The following ST18 variants were observed in gnomAD, a reference collection of about 807,000 sequenced individuals.
ST18 encodes suppression of tumorigenicity 18 protein.
Under a neutral mutation model 110.0 loss-of-function variants are expected in ST18, and 50 were observed. That is an observed-to-expected ratio of 0.45 (90% CI 0.36 to 0.58). ST18 has a LOEUF of 0.58. ST18 is among the 20% of genes least tolerant of loss of function. ST18 has a pLI of 0.00. For synonymous variants in ST18, 461 were observed against 452.4 expected (o/e 1.02, Z -0.24); for missense variants, 1,306 against 1,280.1 (o/e 1.02, Z -0.31).
intron 2 of ST18, among the ~76,000 whole-genome samples, chr8:52,316,260 G>A (rs564669220): frequency 2.0e-5 from 3 of 152,180 alleles, no homozygotes; most frequent in South Asian, 2.1e-4. Flanking sequence ...AATATTTCTT[G>A]AGAGCAAATA....
chr8:52,243,882 GGAGA>G (rs1489161983), intron 2 of ST18, among the ~76,000 whole-genome samples: 1 of 151,896 alleles, frequency 6.6e-6, no homozygotes, highest in African/African-American at 2.4e-5. Flanking sequence ...AAAGAGAGAG[GGAGA>G]GAGAGGGAGA....
chr8:52,142,567 C>A (rs939029853), intron 17 of ST18, among the ~76,000 whole-genome samples: 2 of 152,106 alleles, frequency 1.3e-5, no homozygotes, highest in Non-Finnish European at 2.9e-5. Flanking sequence ...CTCAGAACCC[C>A]TTTGAAAATG....
At chr8:52,326,006 T>C (rs767005931) in intron 2 of ST18, among the ~76,000 whole-genome samples, 1 of 152,228 alleles carries the variant, frequency 6.6e-6, no homozygotes, top group Non-Finnish European at 1.5e-5. Flanking sequence ...CATTGTGTCA[T>C]AAAACCTTTG....
intron 25 of ST18, among the ~76,000 whole-genome samples, chr8:52,115,538 A>T (rs1210307022): frequency 6.6e-6 from 1 of 152,238 alleles, no homozygotes; most frequent in African/African-American, 2.4e-5. Flanking sequence ...TAAAGTATTC[A>T]GTACACTAAC....
intron 2 of ST18, among the ~76,000 whole-genome samples, chr8:52,357,415 C>G (rs1382751380): frequency 6.6e-6 from 1 of 151,572 alleles, no homozygotes. Flanking sequence ...TATGACCCAA[C>G]TATATACTAC....
chr8:52,341,703 C>T (rs1815094279), intron 2 of ST18, among the ~76,000 whole-genome samples: 1 of 152,238 alleles, frequency 6.6e-6, no homozygotes, highest in Non-Finnish European at 1.5e-5. Flanking sequence ...TGTGTGTTCT[C>T]TGAGATTCAC....
chr8:52,333,084 A>G (rs1158322021), intron 2 of ST18, among the ~76,000 whole-genome samples: 1 of 152,104 alleles, frequency 6.6e-6, no homozygotes, highest in Non-Finnish European at 1.5e-5. Context: ...GTTCTCATCC[A>G]TCAAGCTGAT....
At chr8:52,177,790 C>A (rs1266905437) in intron 9 of ST18, among the ~76,000 whole-genome samples, 1 of 152,188 alleles carries the variant, frequency 6.6e-6, no homozygotes, top group Non-Finnish European at 1.5e-5. Context: ...CCTATAAGAT[C>A]CATTACCTTC....
intron 2 of ST18, among the ~76,000 whole-genome samples, chr8:52,314,388 C>A (rs2095983473): frequency 6.6e-6 from 1 of 152,180 alleles, no homozygotes; most frequent in African/African-American, 2.4e-5. Flanking sequence ...TAGGAATTAT[C>A]TGCCCCTACT....
intron 2 of ST18, among the ~76,000 whole-genome samples, chr8:52,301,049 C>T (rs755340712): frequency 6.6e-6 from 1 of 152,046 alleles, no homozygotes; most frequent in African/African-American, 2.4e-5. Flanking sequence ...GATGACATTA[C>T]CAAAATGTCA....
intron 9 of ST18, among the ~76,000 whole-genome samples, chr8:52,174,841 CT>C (rs1251452181): frequency 2.0e-5 from 3 of 152,218 alleles, no homozygotes; most frequent in Admixed American, 1.3e-4. Context: ...TTCCACCCCC[CT>C]CCCAGGCTTT....
At chr8:52,301,319 C>CA (rs2095717653) in intron 2 of ST18, among the ~76,000 whole-genome samples, 1 of 151,930 alleles carries the variant, frequency 6.6e-6, no homozygotes, top group African/African-American at 2.4e-5. Flanking sequence ...ACCAAATTAC[C>CA]AAAAAATAGT....
chr8:52,296,526 G>A (rs752655905), intron 2 of ST18: 1 of 152,166 alleles, frequency 6.6e-6, no homozygotes, highest in Non-Finnish European at 1.5e-5. Flanking sequence ...AGGAAGCCCA[G>A]GTTCGAGTTC....
At chr8:52,223,028 G>C (rs1301157136) in intron 3 of ST18, among the ~76,000 whole-genome samples, 1 of 152,132 alleles carries the variant, frequency 6.6e-6, no homozygotes, top group Non-Finnish European at 1.5e-5. Context: ...AACCTAACGG[G>C]CTACCCAATT....
intron 2 of ST18, among the ~76,000 whole-genome samples, chr8:52,232,647 T>C (rs1299079471): frequency 6.6e-6 from 1 of 152,134 alleles, no homozygotes; most frequent in African/African-American, 2.4e-5. Flanking sequence ...TTTAGTCTAA[T>C]ACTAAAAATA....
chr8:52,120,282 A>C lies in ST18; in HGVS notation c.2756-1841T>G, dbSNP rs142417058. Reference sequence around the variant, plus strand: ...AATTTTTCTGATTTGAGCTATCGAAAACTTCTATTGTTATAAATTTCTTTG... The same window carrying C: ...AATTTTTCTGATTTGAGCTATCGAACACTTCTATTGTTATAAATTTCTTTG... On this transcript the variant is annotated intron_variant, in intron 23 of 25. Coordinates refer to ENST00000689386, the MANE Select transcript of ST18 (RefSeq NM_001352837.2). 3.4e-3 allele frequency among the ~76,000 whole-genome samples: 516 copies of C among 152,298 alleles called. 6 individuals carry two copies. Among genetic ancestry groups the C allele is most frequent in the African/African-American group, 0.012 (504 of 41,560 alleles).
At chr8:52,409,046 G>A (rs1283432783) in intron 2 of ST18, 1 of 152,160 alleles carries the variant, frequency 6.6e-6, no homozygotes, top group African/African-American at 2.4e-5. Context: ...TGACTTTTTC[G>A]CAGAACTGTC....
rs1372976074 is a variant in ST18 at position 52,288,040 on chromosome 8, CT to C, written c.-464-57964del. Among the ~76,000 whole-genome samples the C allele has an allele frequency of 9.8e-5, 15 of 152,314 alleles. No individual in the cohort carries two copies. The East Asian group carries it at 2.9e-3, about 29-fold the overall frequency. On this transcript the variant is annotated intron_variant, in intron 2 of 25. Coordinates refer to ENST00000689386, the MANE Select transcript of ST18 (RefSeq NM_001352837.2). ...TTATGTGCATCCTGTGAAAAACTTT[CT>C]TTCTCCAACTAATCTGAGAGCAATC... is the stretch of plus-strand genomic sequence containing the variant.
At position 52,172,444 on chromosome 8, in the gene ST18, ATT is replaced by A; in HGVS notation, c.415_416del (p.Asn139CysfsTer8). On this transcript the variant is annotated frameshift_variant, in exon 10 of 26. Transcript: ENST00000689386. LOFTEE classifies it high-confidence loss of function. ...SLMHLGKFEK[N>X]VSVQTVSENL... ...TTTCACTTACAGTCTGAACAGATAC[ATT>A]TTTTTCAAATTTCCCCAAGTGCATT... is the stretch of plus-strand genomic sequence containing the variant. 6.2e-7 allele frequency: 1 copy of A among 1,613,688 alleles called. No individual in the cohort carries two copies. Among genetic ancestry groups the A allele is most frequent in the Non-Finnish European group, 8.5e-7 (1 of 1,180,006 alleles).
Sources: allele counts gnomAD v4.1 joint callset (sites outside exome capture counted in the v4.1 genomes callset), GRCh38; gene constraint gnomAD v4.1.1; transcripts MANE v1.5; gene names NCBI Gene and HGNC (gene_info 2026-07-23, HGNC 2026-07-21).